HDAC9: variants seen among roughly 807,000 people sequenced by gnomAD.
HDAC9 encodes histone deacetylase 9.
A neutral mutation model predicts 139.4 loss-of-function variants in HDAC9; 41 were observed. The ratio of observed to expected loss-of-function variants is 0.29; its 90% CI spans 0.23 to 0.38. HDAC9 has a LOEUF of 0.38. Among genes scored for constraint, HDAC9 ranks in the 10% least tolerant of loss-of-function variants. HDAC9 has a pLI of 1.00. For synonymous variants in HDAC9, 517 were observed against 476.2 expected, an observed-to-expected ratio of 1.09 and a Z score of -1.12; for missense variants, 1,147 against 1,297.0, an observed-to-expected ratio of 0.88 and a Z score of 1.78.
intron 2 of HDAC9, among the ~76,000 whole-genome samples, chr7:18,170,218 GA>G (rs1425697447): frequency 6.6e-6 from 1 of 152,214 alleles, no homozygotes; most frequent in Non-Finnish European, 1.5e-5. Context: ...CAGTGATGAT[GA>G]GCATTTTTTC....
chr7:18,765,554 G>A (rs1045402541), intron 15 of HDAC9, among the ~76,000 whole-genome samples: 5 of 151,992 alleles, frequency 3.3e-5, no homozygotes, highest in African/African-American at 9.7e-5. Context: ...GCAGTGAGCC[G>A]AGATTGCACC....
chr7:18,307,139 G>GTT (rs1554365751), intron 1 of HDAC9, among the ~76,000 whole-genome samples: 12 of 109,402 alleles, frequency 1.1e-4, no homozygotes, highest in African/African-American at 6.0e-4. Flanking sequence ...GTGTGTGTGT[G>GTT]TGTGTTTGTA....
At chr7:18,366,168 T>C (rs148044131) in intron 1 of HDAC9, among the ~76,000 whole-genome samples, 1 of 152,088 alleles carries the variant, frequency 6.6e-6, no homozygotes, top group South Asian at 2.1e-4. Context: ...TATATAGAGA[T>C]AAGGTGGAGG....
chr7:18,288,256 A>G (rs1797583203), upstream of HDAC9, among the ~76,000 whole-genome samples: 1 of 152,228 alleles, frequency 6.6e-6, no homozygotes, highest in Non-Finnish European at 1.5e-5. Flanking sequence ...TGAATAAGAA[A>G]TAAATATCAG....
chr7:18,185,588 A>G (rs1306796041), intron 2 of HDAC9, among the ~76,000 whole-genome samples: 1 of 152,214 alleles, frequency 6.6e-6, no homozygotes, highest in Non-Finnish European at 1.5e-5. Context: ...ACAAGCATAG[A>G]TAAGAGTACA....
At chr7:18,771,891 A>C (rs907427411) in intron 16 of HDAC9, among the ~76,000 whole-genome samples, 5 of 152,174 alleles carry the variant, frequency 3.3e-5, no homozygotes, top group Non-Finnish European at 7.3e-5. Flanking sequence ...AAACAAAACC[A>C]ATATTTTCAA....
chr7:18,386,522 G>A (rs1240154507), intron 1 of HDAC9, among the ~76,000 whole-genome samples: 1 of 152,090 alleles, frequency 6.6e-6, no homozygotes, highest in African/African-American at 2.4e-5. Context: ...AACAACCTGA[G>A]GCCACACCCT....
At chr7:18,237,733 T>G (rs1159646077) in intron 2 of HDAC9, among the ~76,000 whole-genome samples, 1 of 152,294 alleles carries the variant, frequency 6.6e-6, no homozygotes, top group East Asian at 1.9e-4. Flanking sequence ...TTGCAATGAA[T>G]TAAACTTTAG....
At chr7:18,609,204 T>C (rs997412997) in intron 6 of HDAC9, among the ~76,000 whole-genome samples, 2 of 152,196 alleles carry the variant, frequency 1.3e-5, no homozygotes, top group African/African-American at 2.4e-5. Context: ...TATAATTTGA[T>C]GGAAGAGTTC....
intron 12 of HDAC9, chr7:18,668,866 T>G: frequency 1.0e-6 from 1 of 983,830 alleles, no homozygotes; most frequent in Non-Finnish European, 1.2e-6. Flanking sequence ...CACTTGGCTT[T>G]GTGTAAACTT....
chr7:18,980,882 G>A (rs1157864868), intron 25 of HDAC9, among the ~76,000 whole-genome samples: 2 of 150,910 alleles, frequency 1.3e-5, no homozygotes. Context: ...AGAATGCAGT[G>A]GTGTGATCTC....
At chr7:18,113,848 C>A (rs1271331068) in intron 1 of HDAC9, among the ~76,000 whole-genome samples, 1 of 152,044 alleles carries the variant, frequency 6.6e-6, no homozygotes, top group Non-Finnish European at 1.5e-5. Flanking sequence ...CTTTTCAGAT[C>A]TATTTTCTGA....
intron 12 of HDAC9, among the ~76,000 whole-genome samples, chr7:18,684,971 C>G (rs1052329045): frequency 6.6e-6 from 1 of 151,906 alleles, no homozygotes; most frequent in African/African-American, 2.4e-5. Flanking sequence ...CCTCTCTATT[C>G]AGTTTTATGT....
intron 1 of HDAC9, among the ~76,000 whole-genome samples, chr7:18,384,613 T>C (rs1425689615): frequency 6.6e-6 from 1 of 152,162 alleles, no homozygotes; most frequent in Non-Finnish European, 1.5e-5. Context: ...CATCAGTAAG[T>C]TGAGATTCAG....
intron 2 of HDAC9, among the ~76,000 whole-genome samples, chr7:18,507,535 C>G (rs1800186162): frequency 2.0e-5 from 3 of 151,808 alleles, no homozygotes; most frequent in Admixed American, 1.3e-4. Flanking sequence ...GCTCTTGTTG[C>G]CCAGGCTAGA....
At chr7:18,890,724 AC>A (rs1800608040) in intron 22 of HDAC9, among the ~76,000 whole-genome samples, 1 of 152,246 alleles carries the variant, frequency 6.6e-6, no homozygotes, top group Admixed American at 6.5e-5. Context: ...GATTTTTTAA[AC>A]TAAAAAGGAA....
At chr7:18,391,099 G>C (rs1296771785) in intron 1 of HDAC9, among the ~76,000 whole-genome samples, 2 of 151,970 alleles carry the variant, frequency 1.3e-5, no homozygotes. Flanking sequence ...AAAGAACAAA[G>C]TTCAGCCAGG....
chr7:18,896,761 G>C (rs563726596), intron 22 of HDAC9, among the ~76,000 whole-genome samples: 1 of 152,056 alleles, frequency 6.6e-6, no homozygotes, highest in South Asian at 2.1e-4. Context: ...AGTGACATCG[G>C]GTCACACGCC....
intron 22 of HDAC9, among the ~76,000 whole-genome samples, chr7:18,902,503 C>T (rs1408477386): frequency 6.6e-6 from 1 of 152,106 alleles, no homozygotes. Context: ...AAGATTTCCC[C>T]AAAGATTCGT....
Sources: allele counts gnomAD v4.1 joint callset (sites outside exome capture counted in the v4.1 genomes callset), GRCh38; gene constraint gnomAD v4.1.1; transcripts MANE v1.5; gene names NCBI Gene and HGNC (gene_info 2026-07-23, HGNC 2026-07-21).